Variants in COL6A2 observed in about 807,000 individuals in gnomAD.
COL6A2 encodes the protein collagen type VI alpha 2 chain, also known as collagen alpha-2(VI) chain.
COL6A2 carries 90 observed loss-of-function variants against 124.9 expected under a neutral mutation model. That is an observed-to-expected ratio of 0.72 (90% CI 0.61 to 0.86). The LOEUF (loss-of-function observed/expected upper bound fraction) is 0.86. Ranked by LOEUF, COL6A2 falls within the 40% of genes least tolerant of loss-of-function variation. COL6A2 has a pLI of 0.00. For missense variants in COL6A2, 1,607 were observed against 1,502.5 expected (o/e 1.07, Z -1.15); for synonymous variants, 793 against 618.2 (o/e 1.28, Z -4.19).
chr21:46,110,714 C>A (rs1474461025), intron 1 of COL6A2, among the ~76,000 whole-genome samples: 1 of 53,198 alleles, frequency 1.9e-5, no homozygotes, highest in African/African-American at 4.8e-5. Context: ...CGCTCTGAAC[C>A]AGGCCCGGTG....
rs963186631 is a variant in COL6A2 at position 46,122,011 on chromosome 21, C to T, written c.1522-97C>T. Reference sequence around the variant, plus strand: ...AGAACTCGACGGCACCCCTAGCCCACTTCCACCCCAGTGTGCACCTTGCGC... The same window carrying T: ...AGAACTCGACGGCACCCCTAGCCCATTTCCACCCCAGTGTGCACCTTGCGC... On this transcript the variant is annotated intron_variant, in intron 18 of 27. Transcript: ENST00000300527. 3.0e-6 allele frequency: 4 copies of T among 1,338,714 alleles called. No homozygotes were observed. In the African/African-American group the frequency reaches 5.8e-5, roughly 19 times the overall value. The allele number at this position is 1,338,714 out of a possible 1,614,324, so 82.9% of individuals were successfully genotyped here. A position where few individuals can be genotyped will look rare whatever the true frequency, so the allele number is the denominator to read the frequency against.
intron 5 of COL6A2, among the ~76,000 whole-genome samples, chr21:46,114,710 G>T (rs2078448353): frequency 6.6e-6 from 1 of 152,124 alleles, no homozygotes; most frequent in African/African-American, 2.4e-5. Context: ...GCAGTTTTAG[G>T]GAGCCTGGTT....
At chr21:46,121,919 G>A (rs2078572707) in intron 18 of COL6A2, among the ~76,000 whole-genome samples, 189 bp from the exon 19 acceptor site, 1 of 152,108 alleles carries the variant, frequency 6.6e-6, no homozygotes, top group South Asian at 2.1e-4. Flanking sequence ...CGGGTCTCTA[G>A]GCACGTCCAG....
At chr21:46,122,267 G>A (rs2078578957) in intron 19 of COL6A2, 109 bp downstream of exon 19, 3 of 1,345,472 alleles carry the variant, frequency 2.2e-6, no homozygotes, top group South Asian at 1.2e-5. Flanking sequence ...AGAAGAAAGT[G>A]TGAGGTCCCT....
chr21:46,111,702 G>A, intron 2 of COL6A2, 111 bp downstream of exon 2: 1 of 36,440 alleles, frequency 2.7e-5, no homozygotes, highest in Non-Finnish European at 5.2e-5. Flanking sequence ...GGGGCAGTTG[G>A]GACCAGTACC....
chr21:46,127,471 G>C (rs2078690366), intron 27 of COL6A2, among the ~76,000 whole-genome samples: 1 of 152,138 alleles, frequency 6.6e-6, no homozygotes, highest in Non-Finnish European at 1.5e-5. Flanking sequence ...AGAACCTAGG[G>C]CTTGCACCTG....
At chr21:46,100,348 T>G (rs1332616694) in intron 1 of COL6A2, among the ~76,000 whole-genome samples, 10 of 152,190 alleles carry the variant, frequency 6.6e-5, no homozygotes, top group Non-Finnish European at 1.3e-4. Context: ...TTTGGGGGGT[T>G]TTTTCTTTTT....
intron 13 of COL6A2, 40 bp from the exon 14 acceptor site, chr21:46,118,990 C>T (rs2078519181): frequency 6.8e-7 from 1 of 1,474,664 alleles, no homozygotes; most frequent in Non-Finnish European, 9.5e-7. Context: ...GCCTCAGGGC[C>T]CCTGCCTCTG....
chr21:46,131,863 G>A (rs976322639), intron 27 of COL6A2, 91 bp from the exon 28 acceptor site: 50 of 1,215,084 alleles, frequency 4.1e-5, no homozygotes, highest in African/African-American at 7.5e-5. Context: ...TGCAGGCAGG[G>A]TGCGAATGGA....
At position 46,126,015 on chromosome 21, in the gene COL6A2, C is replaced by T. The variant is rs886038496; in HGVS notation, c.2200C>T (p.Arg734Cys). Residue 734 changes from arginine (R) to cysteine (C), a missense_variant, in exon 26 of 28, where the codon CGC becomes TGC. Around this residue, in one of 3 missense-constraint regions of COL6A2, gnomAD observed 1,223 missense variants for 1,052.2 expected, o/e 1.16. Transcript: ENST00000300527. ...RVFAVVITDGRHDPRDDDLNL... is the reference protein window; with the variant it reads ...RVFAVVITDGCHDPRDDDLNL... ...GTTTGCGGTGGTCATCACGGACGGG[C>T]GCCACGACCCTCGGGACGATGACCT... 5.0e-6 allele frequency: 8 copies of T among 1,612,874 alleles called. No homozygotes were observed. The highest frequency in any genetic ancestry group is 1.7e-5 in the Admixed American group (1 of 60,022).
At chr21:46,125,660 C>G (rs745313620) in intron 25 of COL6A2, 43 bp downstream of exon 25, 19 of 1,495,050 alleles carry the variant, frequency 1.3e-5, no homozygotes, top group Non-Finnish European at 1.6e-5. Flanking sequence ...GGGGGCCGGG[C>G]GGGGCGTGGG....
intron 20 of COL6A2, 51 bp downstream of exon 20, chr21:46,122,582 G>T: frequency 1.3e-6 from 2 of 1,590,924 alleles, no homozygotes; most frequent in East Asian, 2.2e-5. Flanking sequence ...GGGTCTGCAC[G>T]CCCAATTGCT....
chr21:46,129,174 T>G (rs747844815), intron 27 of COL6A2: 118 of 1,612,628 alleles, frequency 7.3e-5, no homozygotes, highest in Non-Finnish European at 9.5e-5. Flanking sequence ...CCTTACAGTC[T>G]TCTCTGGACG....
At chr21:46,121,702 C>A in intron 18 of COL6A2, 84 bp downstream of exon 18, 1 of 1,401,234 alleles carries the variant, frequency 7.1e-7, no homozygotes. Context: ...CCTGGGGGAC[C>A]CTGTTGCCGG....
Position 46,126,232 on chromosome 21 carries a change from G to A in COL6A2, c.2417G>A (p.Cys806Tyr), listed in dbSNP as rs749043206. Residue 806 changes from cysteine (C) to tyrosine (Y), a missense_variant, in exon 26 of 28, where the codon TGC becomes TAC. By Grantham distance (194) the Cys-to-Tyr change is radical. Transcript: ENST00000300527. Reference sequence around the variant, plus strand: ...ATCGATGACATGGAGGACGTCCTCTGCCCGGGTGAGCGTGTGGGCGCGGGG... The same window carrying A: ...ATCGATGACATGGAGGACGTCCTCTACCCGGGTGAGCGTGTGGGCGCGGGG... Reference protein sequence around the residue: ...KFIDDMEDVLCPDPQIVCPDL... With the variant: ...KFIDDMEDVLYPDPQIVCPDL... 2 of 1,598,366 alleles carry A rather than the reference G, an allele frequency of 1.3e-6. No individual in the cohort carries two copies. Among genetic ancestry groups the A allele is most frequent in the Non-Finnish European group, 1.7e-6 (2 of 1,178,560 alleles).
rs147158850 is a variant in COL6A2 at position 46,124,685 on chromosome 21, G to A, written c.1706G>A (p.Arg569Gln). The A allele has an allele frequency of 3.6e-4, 582 of 1,612,802 alleles. 3 individuals carry two copies. In the East Asian group the frequency reaches 5.8e-3, roughly 16 times the overall value. Residue 569 changes from arginine (R) to glutamine (Q), a missense_variant, in exon 22 of 28, where the codon CGG becomes CAG. Coordinates refer to ENST00000300527, the MANE Select transcript of COL6A2 (RefSeq NM_001849.4). ...DPGPPGEPGP[R>Q]GPRGVPGPEG... ...GGTCCCCCTGGTGAGCCAGGCCCTC[G>A]GGGGCCAAGAGGAGTCCCAGGACCC... is the stretch of plus-strand genomic sequence containing the variant.
intron 27 of COL6A2, chr21:46,129,034 C>T: frequency 6.2e-7 from 1 of 1,601,876 alleles, no homozygotes; most frequent in Non-Finnish European, 8.5e-7. Context: ...ACGCCTCCTG[C>T]CAAGGCCGAG....
At chr21:46,129,330 G>T (rs146864592) in intron 27 of COL6A2, 1 of 1,612,914 alleles carries the variant, frequency 6.2e-7, no homozygotes, top group South Asian at 1.1e-5. Flanking sequence ...GGACCCGGCC[G>T]CCTACTCCCA....
rs369505580 is a variant in COL6A2 at position 46,124,906 on chromosome 21, G to A, written c.1756G>A (p.Asp586Asn). 1 of 1,612,954 alleles carries A rather than the reference G, an allele frequency of 6.2e-7. No homozygotes were observed. The highest frequency in any genetic ancestry group is 8.5e-7 in the Non-Finnish European group (1 of 1,180,014). ...CCAGGGTGAGCCCGGCCCCCCTGGAGACCCCGGTCTCACGGTAGGTGTCAC... is the reference window on the plus strand; with the variant it reads ...CCAGGGTGAGCCCGGCCCCCCTGGAAACCCCGGTCTCACGGTAGGTGTCAC... ...GPEGEPGPPG[D>N]PGLTECDVMT... Residue 586 changes from aspartate to asparagine, a missense_variant, in exon 23 of 28, where the codon GAC becomes AAC. By Grantham distance (23) the Asp-to-Asn change is conservative. This residue lies in a region of COL6A2 where 1,223 missense variants were observed against 1,052.2 expected (regional missense o/e 1.16). Transcript: ENST00000300527.
Sources: gnomAD v4.1 joint callset for allele counts (sites outside exome capture counted in the v4.1 genomes callset) on GRCh38, gnomAD v4.1.1 for gene constraint, gnomAD v4.1.1 regional missense constraint, MANE v1.5 for transcripts, NCBI Gene and HGNC (gene_info 2026-07-23, HGNC 2026-07-21) for gene names.